BBS9: variants seen among roughly 807,000 people sequenced by gnomAD.
The protein encoded by BBS9 is Bardet-Biedl syndrome 9.
BBS9 carries 89 observed loss-of-function variants against 117.7 expected under a neutral mutation model. The ratio of observed to expected loss-of-function variants is 0.76; its 90% CI spans 0.64 to 0.90. The LOEUF (loss-of-function observed/expected upper bound fraction) is 0.90. Among genes scored for constraint, BBS9 ranks in the 40% least tolerant of loss-of-function variants. BBS9 has a pLI of 0.00. For synonymous variants in BBS9, 379 were observed against 370.9 expected (o/e 1.02, Z -0.25); for missense variants, 982 against 1,042.2 (o/e 0.94, Z 0.80).
At chr7:33,176,872 T>C (rs1292834160) in intron 4 of BBS9, among the ~76,000 whole-genome samples, 1 of 152,214 alleles carries the variant, frequency 6.6e-6, no homozygotes, top group African/African-American at 2.4e-5. Context: ...TGGAAAGAAC[T>C]AGAAAGTGAA....
intron 3 of BBS9, among the ~76,000 whole-genome samples, chr7:33,154,135 T>C (rs1181516565): frequency 6.6e-6 from 1 of 152,190 alleles, no homozygotes; most frequent in African/African-American, 2.4e-5. Context: ...AAACTTGTTT[T>C]GAATGTCCAG....
intron 19 of BBS9, among the ~76,000 whole-genome samples, chr7:33,392,095 G>A (rs1827169478): frequency 6.6e-6 from 1 of 152,024 alleles, no homozygotes. Flanking sequence ...CCTGCTCCCT[G>A]GTGAGCTTAG....
chr7:33,252,303 A>G (rs2128303232), intron 5 of BBS9, among the ~76,000 whole-genome samples: 1 of 152,232 alleles, frequency 6.6e-6, no homozygotes, highest in East Asian at 1.9e-4. Context: ...TTGACATGAG[A>G]TTTGGACAGG....
Position 33,352,865 on chromosome 7 carries a change from A to T in BBS9, c.1544A>T (p.Asn515Ile). Residue 515 changes from asparagine to isoleucine, a missense_variant, in exon 15 of 23, where the codon AAT (asparagine) becomes ATT (isoleucine). Physicochemically the swap from Asn to Ile is moderately radical, Grantham distance 149 (BLOSUM62 -3). Transcript: ENST00000242067. ...CATTGCCTGTGATGGACAGATCGAAATCCTGATGGTAAGTGTAAAGATAAT... is the reference window on the plus strand; with the variant it reads ...CATTGCCTGTGATGGACAGATCGAATTCCTGATGGTAAGTGTAAAGATAAT... The part of the protein sequence containing the change: ...VVSYSRPTDR[N>I]PDGIPRVIQC... 1.2e-6 allele frequency: 2 copies of T among 1,612,670 alleles called. No individual in the cohort carries two copies. Among genetic ancestry groups the T allele is most frequent in the Non-Finnish European group, 1.7e-6 (2 of 1,178,836 alleles).
chr7:33,542,038 A>G (rs1296944116), intron 21 of BBS9, among the ~76,000 whole-genome samples: 1 of 152,116 alleles, frequency 6.6e-6, no homozygotes, highest in Non-Finnish European at 1.5e-5. Flanking sequence ...AAATTTATTT[A>G]TATTTCTGTA....
At chr7:33,380,707 G>T (rs1824847331) in intron 17 of BBS9, 2 of 152,524 alleles carry the variant, frequency 1.3e-5, no homozygotes, top group African/African-American at 4.8e-5. Flanking sequence ...GACTTTGCGA[G>T]CCACTACCAC....
intron 16 of BBS9, among the ~76,000 whole-genome samples, chr7:33,362,645 T>C (rs554906230): frequency 9.8e-5 from 15 of 152,322 alleles, no homozygotes; most frequent in South Asian, 4.1e-4. Flanking sequence ...ACCAATAACA[T>C]TGTGTTTTGA....
chr7:33,371,763 C>T (rs1399157952), intron 17 of BBS9, among the ~76,000 whole-genome samples: 2 of 152,054 alleles, frequency 1.3e-5, no homozygotes, highest in Non-Finnish European at 2.9e-5. Flanking sequence ...AAAGCAAACT[C>T]ATGAGGGAAA....
intron 9 of BBS9, among the ~76,000 whole-genome samples, chr7:33,283,605 C>G (rs1292768036): frequency 6.6e-6 from 1 of 152,104 alleles, no homozygotes; most frequent in Non-Finnish European, 1.5e-5. Context: ...TTCACTGATA[C>G]AAGGGGTAAC....
chr7:33,301,185 A>G (rs1806343614), intron 9 of BBS9, among the ~76,000 whole-genome samples: 1 of 152,100 alleles, frequency 6.6e-6, no homozygotes, highest in African/African-American at 2.4e-5. Context: ...ACAGGCATGG[A>G]ATGCATGTTA....
intron 5 of BBS9, among the ~76,000 whole-genome samples, chr7:33,236,768 TTG>T (rs1161913673): frequency 2.0e-5 from 3 of 152,062 alleles, no homozygotes; most frequent in Admixed American, 2.0e-4. Context: ...CTTATTTTTT[TTG>T]TGTGGTGAGA....
At chr7:33,427,104 T>C (rs922534773) in intron 19 of BBS9, among the ~76,000 whole-genome samples, 2 of 152,184 alleles carry the variant, frequency 1.3e-5, no homozygotes, top group Admixed American at 6.5e-5. Context: ...CATGTGCAGA[T>C]GTCACCTTCT....
At chr7:33,517,330 C>A (rs1847942098) in intron 20 of BBS9, among the ~76,000 whole-genome samples, 1 of 152,218 alleles carries the variant, frequency 6.6e-6, no homozygotes, top group East Asian at 1.9e-4. Flanking sequence ...TATCTCTTAA[C>A]CTCTCACCAT....
intron 16 of BBS9, among the ~76,000 whole-genome samples, chr7:33,363,942 T>TGCCAAAC (rs1262139763): frequency 7.2e-4 from 72 of 99,588 alleles, no homozygotes; most frequent in South Asian, 1.6e-3. Flanking sequence ...TTATTTTTTT[T>TGCCAAAC]TTTATTTTTT....
At chr7:33,505,369 T>C in intron 19 of BBS9, 94 bp from the exon 20 acceptor site, 1 of 1,187,854 alleles carries the variant, frequency 8.4e-7, no homozygotes, top group Non-Finnish European at 1.3e-6. Context: ...TTCATCAAGT[T>C]GTCTTGAAGA....
chr7:33,266,528 C>T (rs1798851685), intron 7 of BBS9, among the ~76,000 whole-genome samples: 1 of 152,122 alleles, frequency 6.6e-6, no homozygotes, highest in South Asian at 2.1e-4. Context: ...GTTCAGTGTG[C>T]ACCTGAAAAG....
intron 5 of BBS9, among the ~76,000 whole-genome samples, chr7:33,231,445 T>TTTG (rs3083588): frequency 2.4e-5 from 3 of 125,832 alleles, no homozygotes; most frequent in East Asian, 4.5e-4. Flanking sequence ...TTTTTTTTTT[T>TTTG]GCCAGGACCA....
chr7:33,404,616 T>G (rs111778007), intron 19 of BBS9, among the ~76,000 whole-genome samples: 87,355 of 146,790 alleles, frequency 0.6, 26,454 homozygotes, highest in African/African-American at 0.69. Flanking sequence ...ATTGTGAATG[T>G]GAGTTCACTC....
At chr7:33,582,233 A>G (rs541480178) in intron 21 of BBS9, among the ~76,000 whole-genome samples, 2 of 152,186 alleles carry the variant, frequency 1.3e-5, no homozygotes, top group South Asian at 4.1e-4. Flanking sequence ...GAGTTAGGCC[A>G]ACTAGGAGGC....
Sources: allele counts gnomAD v4.1 joint callset (sites outside exome capture counted in the v4.1 genomes callset), GRCh38; gene constraint gnomAD v4.1.1; transcripts MANE v1.5; gene names NCBI Gene and HGNC (gene_info 2026-07-23, HGNC 2026-07-21).